STK11IP: variants seen among roughly 807,000 people sequenced by gnomAD.
STK11IP encodes the protein serine/threonine kinase 11 interacting protein.
Under a neutral mutation model 131.7 loss-of-function variants are expected in STK11IP, and 103 were observed. The ratio of observed to expected loss-of-function variants is 0.78; its 90% confidence interval spans 0.67 to 0.92. The LOEUF is 0.92. Among genes scored for constraint, STK11IP ranks in the 40% least tolerant of loss-of-function variants. The pLI is 0.00. For synonymous variants in STK11IP, 557 were observed against 575.6 expected (o/e 0.97, Z 0.46); for missense variants, 1,315 against 1,385.7 (o/e 0.95, Z 0.81).
chr2:219,602,657 A>G (rs776460395), intron 6 of STK11IP, 48 bp from the exon 7 acceptor site: 2 of 1,611,782 alleles, frequency 1.2e-6, no homozygotes, highest in South Asian at 2.2e-5. Flanking sequence ...TTGACCAGAT[A>G]GTATTGTAGT....
chr2:219,614,214 G>C lies in STK11IP; in HGVS notation c.2770G>C (p.Glu924Gln), dbSNP rs753673382. 1.3e-5 allele frequency: 21 copies of C among 1,613,450 alleles called. No homozygotes were observed. Among genetic ancestry groups the C allele is most frequent in the Non-Finnish European group, 1.8e-5 (21 of 1,179,760 alleles). The change falls in exon 22 of 25, where the codon GAG (glutamate) becomes CAG (glutamine). Residue 924 changes from glutamate to glutamine, a missense_variant. Glu to Gln is a conservative substitution (Grantham distance 29). Coordinates refer to ENST00000456909, the MANE Select transcript of STK11IP (RefSeq NM_052902.4). ...GAGGAACTGTGTCAGTGCCACAGAG[G>C]AGGAGGTCACCCCCCAGCACCGGCT... ...AWRNCVSATE[E>Q]EVTPQHRLWP... is the part of the protein sequence containing the mutation.
At position 219,605,723 on chromosome 2, in the gene STK11IP, G is replaced by A. The variant is rs745419352; in HGVS notation, c.734G>A (p.Arg245Gln). 8.8e-6 allele frequency: 14 copies of A among 1,595,742 alleles called. No individual in the cohort carries two copies. In the African/African-American group the frequency reaches 9.4e-5, roughly 11 times the overall value. Residue 245 changes from arginine to glutamine, a missense_variant, in exon 8 of 25, where the codon CGG becomes CAG. Arg to Gln is a conservative substitution (Grantham distance 43, BLOSUM62 1). Coordinates refer to ENST00000456909, the MANE Select transcript of STK11IP (RefSeq NM_052902.4). ...CTGATACTGCGAGGCAATGAGCTTC[G>A]GAGCCTGCATGGTGAGTGGGGGTGT... ...GVLILRGNEL[R>Q]SLHGLEQLRN...
At position 219,606,457 on chromosome 2, in the gene STK11IP, C is replaced by T. The variant is rs577305185; in HGVS notation, c.946-19C>T. On this transcript the variant is annotated intron_variant, in intron 10 of 24. Coordinates refer to ENST00000456909, the MANE Select transcript of STK11IP (RefSeq NM_052902.4). ...ATGGGCCTACCACATACTCCCTCCC[C>T]CTTTTTGTCTTTGCTCAGTTCCTTC... 1 of 1,609,218 alleles carries T rather than the reference C, an allele frequency of 6.2e-7. No individual in the cohort carries two copies. Among genetic ancestry groups the T allele is most frequent in the Non-Finnish European group, 8.5e-7 (1 of 1,177,440 alleles).
At chr2:219,598,446 A>G (rs1297507243) in intron 2 of STK11IP, 11 of 407,512 alleles carry the variant, frequency 2.7e-5, no homozygotes, top group Non-Finnish European at 4.3e-5. Flanking sequence ...AGTGATCATT[A>G]CCTGACTAAA....
chr2:219,612,067 T>C lies in STK11IP; in HGVS notation c.2439+9T>C. On this transcript the variant is annotated intron_variant, in intron 19 of 24. Coordinates refer to ENST00000456909, the MANE Select transcript of STK11IP (RefSeq NM_052902.4). ...TCCAGTGCTGCCTCAAGGTCTGTGC[T>C]CCCTGACACTGCCCATGCCCCCAGC... is the stretch of plus-strand genomic sequence containing the variant. 3.1e-6 allele frequency: 5 copies of C among 1,588,970 alleles called. No homozygotes were observed. The African/African-American group carries it at 6.7e-5, about 21-fold the overall frequency.
At chr2:219,607,240 G>T in intron 13 of STK11IP, 103 bp downstream of exon 13, 1 of 1,209,688 alleles carries the variant, frequency 8.3e-7, no homozygotes, top group Middle Eastern at 1.9e-4. Context: ...TTTTTTGTTG[G>T]GGTAGAGTAT....
rs563240162 is a variant in STK11IP at position 219,606,617 on chromosome 2, A to G, written c.988-95A>G. On this transcript the variant is annotated intron_variant, in intron 11 of 24. Transcript: ENST00000456909. ...GGCTGGTGACAGGGTCTTCCTGGTC[A>G]GTGGAAAGTAGGGTCCCGCCTTTTG... 23 of 1,601,362 alleles carry G rather than the reference A, an allele frequency of 1.4e-5. No individual in the cohort carries two copies. In the Middle Eastern group the frequency reaches 8.5e-4, roughly 60 times the overall value.
chr2:219,599,964 C>T (rs575860575), intron 2 of STK11IP, among the ~76,000 whole-genome samples: 112 of 151,410 alleles, frequency 7.4e-4, no homozygotes, highest in African/African-American at 2.6e-3. Flanking sequence ...TCTTTAACTC[C>T]GGACCTCGTG....
In STK11IP at chr2:219,598,105, C is replaced by G; in HGVS notation, c.-15C>G. 6.3e-7 allele frequency: 1 copy of G among 1,588,394 alleles called. No homozygotes were observed. The highest frequency in any genetic ancestry group is 1.8e-5 in the Admixed American group (1 of 56,828). ...CTTTCCCCCCCCAGGCTCCGCCCCC[C>G]AGCGTCCCGTGGCCATGACGACCGC... is the stretch of plus-strand genomic sequence containing the variant. On this transcript the variant is annotated 5_prime_UTR_variant, in exon 2 of 25. Transcript: ENST00000456909.
At chr2:219,603,946 G>A (rs1210965241) in intron 7 of STK11IP, among the ~76,000 whole-genome samples, 1 of 152,218 alleles carries the variant, frequency 6.6e-6, no homozygotes, top group South Asian at 2.1e-4. Flanking sequence ...GAGGGAATAG[G>A]AAGGGGAACT....
At chr2:219,598,629 G>A (rs2106141837) in intron 2 of STK11IP, 1 of 157,438 alleles carries the variant, frequency 6.4e-6, no homozygotes, top group South Asian at 1.9e-4. Context: ...TCACAGATTG[G>A]CATAGTGATT....
Position 219,614,529 on chromosome 2 carries a change from G to C in STK11IP, c.2852G>C (p.Arg951Pro), listed in dbSNP as rs143777035. ...GAGGCTCGCCAGTTCTTCTACCTTCGGGCGTTCCTGGTTGAAGGTGAAGCC... is the reference window on the plus strand; with the variant it reads ...GAGGCTCGCCAGTTCTTCTACCTTCCGGCGTTCCTGGTTGAAGGTGAAGCC... ...SLEARQFFYL[R>P]AFLVEGPSTC... is the part of the protein sequence containing the mutation. Residue 951 changes from arginine (R) to proline (P), a missense_variant, in exon 23 of 25, where the codon CGG (arginine) becomes CCG (proline). By Grantham distance (103) the Arg-to-Pro change is moderately radical. Transcript: ENST00000456909. The C allele has an allele frequency of 1.9e-6, 3 of 1,613,648 alleles. No individual in the cohort carries two copies. The highest frequency in any genetic ancestry group is 4.5e-5 in the East Asian group (2 of 44,886).
intron 13 of STK11IP, 90 bp from the exon 14 acceptor site, chr2:219,607,957 G>GC: frequency 6.6e-7 from 1 of 1,515,104 alleles, no homozygotes; most frequent in Admixed American, 2.0e-5. Context: ...ACAGCCCATC[G>GC]CCCCCTCATC....
chr2:219,601,587 A>G, intron 3 of STK11IP, 54 bp from the exon 4 acceptor site: 1 of 1,552,148 alleles, frequency 6.4e-7, no homozygotes, highest in Non-Finnish European at 8.7e-7. Flanking sequence ...AGGAATGTTG[A>G]GGGCAGGAAG....
At chr2:219,615,065 T>G in intron 23 of STK11IP, 29 bp from the exon 24 acceptor site, 1 of 1,598,536 alleles carries the variant, frequency 6.3e-7, no homozygotes, top group Non-Finnish European at 8.5e-7. Flanking sequence ...CTCCATGACC[T>G]TCCACACTGG....
At chr2:219,600,238 G>T (rs905863421) in intron 2 of STK11IP, among the ~76,000 whole-genome samples, 1 of 151,452 alleles carries the variant, frequency 6.6e-6, no homozygotes, top group Admixed American at 6.6e-5. Context: ...GAGAATATTT[G>T]TATTTTTAGT....
At chr2:219,602,148 T>C (rs1019528955) in intron 5 of STK11IP, 65 bp downstream of exon 5, 1 of 1,202,684 alleles carries the variant, frequency 8.3e-7, no homozygotes, top group Non-Finnish European at 1.2e-6. Context: ...CAAGCTCTGA[T>C]GTTCTCCCCT....
chr2:219,604,710 C>T (rs1648384639), intron 7 of STK11IP, among the ~76,000 whole-genome samples: 2 of 152,122 alleles, frequency 1.3e-5, no homozygotes, highest in African/African-American at 4.8e-5. Context: ...GCAGTGGCAA[C>T]CGATGGATTT....
chr2:219,614,720 C>T, intron 23 of STK11IP, 174 bp downstream of exon 23: 2 of 790,006 alleles, frequency 2.5e-6, no homozygotes, highest in East Asian at 2.7e-5. Flanking sequence ...TGCCCTGACC[C>T]TCTGGGTGGG....
Sources: allele counts gnomAD v4.1 joint callset (sites outside exome capture counted in the v4.1 genomes callset), GRCh38; gene constraint gnomAD v4.1.1; transcripts MANE v1.5; gene names NCBI Gene and HGNC (gene_info 2026-07-23, HGNC 2026-07-21).